Variants in ZNF704 observed in about 807,000 individuals in gnomAD.
ZNF704 encodes zinc finger protein 704.
Under a neutral mutation model 44.7 loss-of-function variants are expected in ZNF704, and 10 were observed. The ratio of observed to expected loss-of-function variants is 0.22; its 90% confidence interval spans 0.14 to 0.38. ZNF704 has a LOEUF of 0.38. ZNF704 is among the 10% of genes least tolerant of loss of function. The pLI, the probability that ZNF704 is intolerant of heterozygous loss-of-function variation, is 1.00. For missense variants in ZNF704, 390 were observed against 545.5 expected, an observed-to-expected ratio of 0.71 and a Z score of 2.84; for synonymous variants, 211 against 207.6, an observed-to-expected ratio of 1.02 and a Z score of -0.14.
intron 2 of ZNF704, among the ~76,000 whole-genome samples, chr8:80,802,574 A>T (rs1311953451): frequency 6.6e-6 from 1 of 152,198 alleles, no homozygotes; most frequent in Non-Finnish European, 1.5e-5. Flanking sequence ...CATAAACAAA[A>T]CTAAAGACAA....
At chr8:80,766,317 G>T (rs1807226719) in intron 2 of ZNF704, among the ~76,000 whole-genome samples, 1 of 151,992 alleles carries the variant, frequency 6.6e-6, no homozygotes. Context: ...ACTCTCAATG[G>T]CCAGGTTCCC....
chr8:80,867,057 G>A (rs927607415), intron 1 of ZNF704, among the ~76,000 whole-genome samples: 1 of 152,166 alleles, frequency 6.6e-6, no homozygotes, highest in African/African-American at 2.4e-5. Context: ...GGCTCTAACA[G>A]TTGACTGGTA....
chr8:80,792,936 A>G (rs1807737300), intron 2 of ZNF704, among the ~76,000 whole-genome samples: 1 of 152,230 alleles, frequency 6.6e-6, no homozygotes, highest in Admixed American at 6.5e-5. Flanking sequence ...TTCCTGACCC[A>G]CAGAAACTGA....
At position 80,819,535 on chromosome 8, in the gene ZNF704, G is replaced by T. The variant is rs146299915; in HGVS notation, c.221+1839C>A. Among the ~76,000 whole-genome samples the T allele has an allele frequency of 4.8e-3, 719 of 149,398 alleles. 9 individuals carry two copies. Among genetic ancestry groups the T allele is most frequent in the South Asian group, 0.039 (186 of 4,720 alleles). Reference sequence around the variant, plus strand: ...AACTGACACTAGAAGTCTAACTTTTGCCCTACAGACTTAGGAAAAAAAAAA... The same window carrying T: ...AACTGACACTAGAAGTCTAACTTTTTCCCTACAGACTTAGGAAAAAAAAAA... On this transcript the variant is annotated intron_variant, in intron 2 of 8. Coordinates refer to ENST00000327835, the MANE Select transcript of ZNF704 (RefSeq NM_001033723.3).
chr8:80,859,443 A>C (rs1033259698), intron 1 of ZNF704, among the ~76,000 whole-genome samples: 1 of 152,172 alleles, frequency 6.6e-6, no homozygotes, highest in African/African-American at 2.4e-5. Flanking sequence ...CAAGTGTTGG[A>C]GTAACAGCTG....
chr8:80,844,190 G>A (rs1178189640), intron 1 of ZNF704, among the ~76,000 whole-genome samples: 2 of 152,100 alleles, frequency 1.3e-5, no homozygotes. Flanking sequence ...CAATTCTGAG[G>A]AAATGTCTTT....
intron 4 of ZNF704, among the ~76,000 whole-genome samples, chr8:80,674,191 T>C (rs1818323921): frequency 6.6e-6 from 1 of 152,208 alleles, no homozygotes; most frequent in South Asian, 2.1e-4. Flanking sequence ...GGGCCAGTGA[T>C]CTAAACACAT....
intron 1 of ZNF704, among the ~76,000 whole-genome samples, chr8:80,868,952 C>T (rs1443389108): frequency 2.0e-5 from 3 of 152,216 alleles, no homozygotes; most frequent in East Asian, 1.9e-4. Context: ...CAGTCCTCCA[C>T]TTTCTCTACA....
chr8:80,723,469 T>C (rs1391209139), intron 2 of ZNF704, among the ~76,000 whole-genome samples: 2 of 152,114 alleles, frequency 1.3e-5, no homozygotes, highest in African/African-American at 4.8e-5. Context: ...ATTGAAATCA[T>C]AAATAGGATA....
intron 7 of ZNF704, 68 bp downstream of exon 7, chr8:80,659,517 A>G (rs1370937557): frequency 3.1e-6 from 4 of 1,303,718 alleles, no homozygotes; most frequent in African/African-American, 2.9e-5. Context: ...TGCCTCTACT[A>G]TTTGTTCGCT....
intron 4 of ZNF704, among the ~76,000 whole-genome samples, chr8:80,680,556 C>G (rs1434687494): frequency 6.6e-6 from 1 of 152,084 alleles, no homozygotes; most frequent in African/African-American, 2.4e-5. Flanking sequence ...AACCCACACA[C>G]CTTGGCAGCG....
chr8:80,853,103 C>T (rs1308266910), intron 1 of ZNF704, among the ~76,000 whole-genome samples: 1 of 152,174 alleles, frequency 6.6e-6, no homozygotes, highest in East Asian at 1.9e-4. Context: ...CATTGGCTCA[C>T]ACCTATAACC....
intron 1 of ZNF704, among the ~76,000 whole-genome samples, chr8:80,830,307 G>A (rs796363495): frequency 1.3e-5 from 2 of 152,336 alleles, no homozygotes; most frequent in African/African-American, 4.8e-5. Flanking sequence ...AGTAGAAGGT[G>A]ACAAGGCTCA....
chr8:80,691,723 T>C (rs1818638619), intron 3 of ZNF704, among the ~76,000 whole-genome samples: 1 of 152,202 alleles, frequency 6.6e-6, no homozygotes, highest in African/African-American at 2.4e-5. Context: ...TGTGCCCAAA[T>C]CTCTACCAGA....
At chr8:80,821,845 A>T (rs555055440) in intron 1 of ZNF704, among the ~76,000 whole-genome samples, 1 of 152,344 alleles carries the variant, frequency 6.6e-6, no homozygotes, top group South Asian at 2.1e-4. Context: ...ACACAAAAAA[A>T]TGCCTCCCAG....
At chr8:80,702,129 A>T (rs1472204220) in intron 2 of ZNF704, among the ~76,000 whole-genome samples, 1 of 152,164 alleles carries the variant, frequency 6.6e-6, no homozygotes, top group African/African-American at 2.4e-5. Flanking sequence ...CTCCAATGGA[A>T]GTAGCTTTAG....
intron 2 of ZNF704, among the ~76,000 whole-genome samples, chr8:80,796,926 G>GAAGAGA (rs1807812808): frequency 8.3e-6 from 1 of 120,526 alleles, no homozygotes; most frequent in Non-Finnish European, 1.7e-5. Flanking sequence ...AAGAGAAAGG[G>GAAGAGA]AAGGGAAAAG....
intron 4 of ZNF704, among the ~76,000 whole-genome samples, chr8:80,685,275 G>A (rs1818517094): frequency 6.6e-6 from 1 of 152,110 alleles, no homozygotes. Flanking sequence ...TAATTGTGAT[G>A]GAAGAGTGTG....
At chr8:80,732,830 C>T (rs2131682519) in intron 2 of ZNF704, among the ~76,000 whole-genome samples, 1 of 152,020 alleles carries the variant, frequency 6.6e-6, no homozygotes, top group African/African-American at 2.4e-5. Flanking sequence ...GTGGCATGCG[C>T]CTGTATGCCC....
Sources: allele counts gnomAD v4.1 joint callset (sites outside exome capture counted in the v4.1 genomes callset), GRCh38; gene constraint gnomAD v4.1.1; transcripts MANE v1.5; gene names NCBI Gene and HGNC (gene_info 2026-07-23, HGNC 2026-07-21).